Variants in BABAM2 observed in about 807,000 individuals in gnomAD.
BABAM2 encodes the protein BRISC and BRCA1-A complex member 2.
BABAM2 carries 31 observed loss-of-function variants against 54.7 expected under a neutral mutation model. That is an observed-to-expected ratio of 0.57 (90% CI 0.43 to 0.77). The LOEUF is 0.77. Ranked by LOEUF, BABAM2 falls within the 30% of genes least tolerant of loss-of-function variation. The probability of loss-of-function intolerance (pLI) is 0.00; values close to 1 mark genes in which losing one functional copy is unlikely to be tolerated. For missense variants in BABAM2, 364 were observed against 455.8 expected, an observed-to-expected ratio of 0.80 and a Z score of 1.83; for synonymous variants, 167 against 162.9, an observed-to-expected ratio of 1.03 and a Z score of -0.19.
chr2:28,329,959 C>G lies in BABAM2; in HGVS notation c.1089-8491C>G, dbSNP rs1690805019. Among the ~76,000 whole-genome samples, 1 of 152,176 alleles carries G rather than the reference C, an allele frequency of 6.6e-6. No individual in the cohort carries two copies. Among genetic ancestry groups the G allele is most frequent in the African/African-American group, 2.4e-5 (1 of 41,432 alleles). ...TAAAATACTGGCAGACTGAATCCAG[C>G]AGCACATCAAAAAGCTTATCCACCA... On this transcript the variant is annotated intron_variant, in intron 11 of 11. Coordinates refer to ENST00000379624, the MANE Select transcript of BABAM2 (RefSeq NM_199191.3). The surrounding 1 kb of genome is among the most constrained non-coding windows in gnomAD (Gnocchi z 4.2).
At chr2:28,119,619 A>G (rs1475805537) in intron 6 of BABAM2, among the ~76,000 whole-genome samples, 5 of 152,238 alleles carry the variant, frequency 3.3e-5, no homozygotes, top group African/African-American at 9.6e-5. Context: ...TTTTATAAAC[A>G]GTAGCTATAA....
chr2:27,897,044 T>A, intron 2 of BABAM2: 1 of 154,714 alleles, frequency 6.5e-6, no homozygotes, highest in Middle Eastern at 8.7e-4. Flanking sequence ...CATTGTCTTG[T>A]CACAGTGAAT....
chr2:28,052,287 C>CT (rs540993353), intron 6 of BABAM2, among the ~76,000 whole-genome samples: 188 of 134,828 alleles, frequency 1.4e-3, no homozygotes, highest in South Asian at 2.2e-3. Flanking sequence ...TTTTTTTTTG[C>CT]TTTTTTTTTT....
chr2:27,925,853 C>T (rs981144004), intron 2 of BABAM2, among the ~76,000 whole-genome samples: 8 of 152,218 alleles, frequency 5.3e-5, no homozygotes, highest in Non-Finnish European at 1.0e-4. Context: ...GGGCTACACT[C>T]TGCTCAACTC....
At chr2:28,080,597 A>G (rs1330323359) in intron 6 of BABAM2, among the ~76,000 whole-genome samples, 2 of 152,202 alleles carry the variant, frequency 1.3e-5, no homozygotes, top group East Asian at 3.8e-4. Context: ...TGTAAATAAA[A>G]GCAGTAATCA....
intron 6 of BABAM2, among the ~76,000 whole-genome samples, chr2:28,060,622 A>G (rs1573496638): frequency 2.0e-5 from 3 of 152,334 alleles, no homozygotes; most frequent in Admixed American, 1.3e-4. Context: ...TCTAGAACTA[A>G]TAAGTGAATT....
chr2:27,926,632 CG>C (rs1358206249), intron 2 of BABAM2, among the ~76,000 whole-genome samples: 1 of 152,120 alleles, frequency 6.6e-6, no homozygotes, highest in Admixed American at 6.5e-5. Context: ...TCTTGTTTAT[CG>C]TTTTCTTCTT....
chr2:28,167,551 A>G (rs1380643969), intron 7 of BABAM2, among the ~76,000 whole-genome samples: 1 of 151,954 alleles, frequency 6.6e-6, no homozygotes, highest in Admixed American at 6.6e-5. Context: ...AAAATTAGCC[A>G]GACATTGTGG....
chr2:27,943,274 T>C (rs997985718), intron 3 of BABAM2, among the ~76,000 whole-genome samples: 1 of 152,198 alleles, frequency 6.6e-6, no homozygotes. Flanking sequence ...TTCAGTATTT[T>C]AGTGGACTGA....
chr2:28,211,890 C>T (rs1679499655), intron 7 of BABAM2, among the ~76,000 whole-genome samples: 2 of 152,190 alleles, frequency 1.3e-5, no homozygotes, highest in Admixed American at 6.5e-5. Flanking sequence ...ACTCAGTCTA[C>T]ATTTAGATTT....
At chr2:28,264,696 G>T (rs1684827909) in intron 10 of BABAM2, among the ~76,000 whole-genome samples, 1 of 152,126 alleles carries the variant, frequency 6.6e-6, no homozygotes, top group East Asian at 1.9e-4. Context: ...ATGCTGAGTT[G>T]GCCTCTAACC....
chr2:28,137,011 A>G (rs570774746), intron 7 of BABAM2, among the ~76,000 whole-genome samples: 5 of 152,368 alleles, frequency 3.3e-5, no homozygotes, highest in South Asian at 2.1e-4. Context: ...TGATATCTTA[A>G]CAGAATGGAA....
chr2:28,061,261 G>A (rs542416968), intron 6 of BABAM2, among the ~76,000 whole-genome samples: 14 of 152,142 alleles, frequency 9.2e-5, no homozygotes, highest in Non-Finnish European at 4.4e-5. Context: ...AACACATGAT[G>A]CTAGAACAAT....
chr2:28,262,769 G>A (rs1413061744), intron 10 of BABAM2, among the ~76,000 whole-genome samples: 1 of 152,110 alleles, frequency 6.6e-6, no homozygotes. Context: ...GCTCTCACCA[G>A]CTTAACCTAG....
chr2:28,129,119 A>C, intron 6 of BABAM2, 152 bp from the exon 7 acceptor site: 1 of 682,608 alleles, frequency 1.5e-6, no homozygotes, highest in Non-Finnish European at 2.6e-6. Flanking sequence ...AGGAGTGGGT[A>C]GGTGTGTGGA....
intron 3 of BABAM2, among the ~76,000 whole-genome samples, chr2:27,943,394 GCCCATTATACTT>G (rs1669072993): frequency 6.6e-6 from 1 of 152,176 alleles, no homozygotes; most frequent in African/African-American, 2.4e-5. Flanking sequence ...AGACTGATTT[GCCCATTATACTT>G]CCCAAATACC....
intron 3 of BABAM2, among the ~76,000 whole-genome samples, chr2:27,969,100 A>T (rs1214542888): frequency 6.6e-6 from 1 of 152,130 alleles, no homozygotes; most frequent in Non-Finnish European, 1.5e-5. Context: ...AAGTCTCATG[A>T]GATCTGATGG....
chr2:28,154,130 A>G (rs1672321346), intron 7 of BABAM2, among the ~76,000 whole-genome samples: 1 of 152,218 alleles, frequency 6.6e-6, no homozygotes. Flanking sequence ...TACTGAGTAC[A>G]TTAGACATTA....
chr2:28,020,681 TTA>T (rs1675178604), intron 4 of BABAM2, among the ~76,000 whole-genome samples: 1 of 152,120 alleles, frequency 6.6e-6, no homozygotes, highest in Non-Finnish European at 1.5e-5. Context: ...TGTTTATAAA[TTA>T]TATATATAAT....
Sources: allele counts gnomAD v4.1 joint callset (sites outside exome capture counted in the v4.1 genomes callset), GRCh38; gene constraint gnomAD v4.1.1; non-coding constraint Gnocchi (gnomAD v3.1); transcripts MANE v1.5; gene names NCBI Gene and HGNC (gene_info 2026-07-23, HGNC 2026-07-21).